GALNT14: variants seen among roughly 807,000 people sequenced by gnomAD.
GALNT14 encodes the protein polypeptide N-acetylgalactosaminyltransferase 14, also known as UDP-GalNAc:polypeptide N-acetylgalactosaminyltransferase 14.
Under a neutral mutation model 77.5 loss-of-function variants are expected in GALNT14, and 60 were observed. The observed-to-expected ratio is 0.77, with a 90% CI of 0.63 to 0.96. The LOEUF (loss-of-function observed/expected upper bound fraction) is 0.96. Among genes scored for constraint, GALNT14 ranks in the 40% least tolerant of loss-of-function variants. The pLI is 0.00. For missense variants in GALNT14, 710 were observed against 731.0 expected (o/e 0.97, Z 0.33); for synonymous variants, 280 against 281.7 (o/e 0.99, Z 0.06).
At position 31,066,419 on chromosome 2, in the gene GALNT14, C is replaced by T. The variant is rs1215754839; in HGVS notation, c.129+71539G>A. The stretch of plus-strand genomic sequence containing the variant: ...TGCGAAAGGGTGCGGGGGCGGGGGG[C>T]GGGGGGGTGGTGTCCAGCCATCTTT... On this transcript the variant is annotated intron_variant, in intron 1 of 14. Coordinates refer to ENST00000349752, the MANE Select transcript of GALNT14 (RefSeq NM_024572.4). Among the ~76,000 whole-genome samples the T allele has an allele frequency of 1.8e-4, 14 of 76,754 alleles. No individual in the cohort carries two copies. In the South Asian group the frequency reaches 2.3e-3, roughly 12 times the overall value. The allele number at this position is 76,754 out of a possible 152,430, so 50.4% of individuals were successfully genotyped here.
intron 1 of GALNT14, among the ~76,000 whole-genome samples, chr2:31,006,159 T>G (rs549034774): frequency 6.6e-6 from 1 of 152,270 alleles, no homozygotes; most frequent in African/African-American, 2.4e-5. Flanking sequence ...ACAGTCACAC[T>G]CACGAGGAAT....
chr2:30,897,749 C>A, the GALNT14 span, among the ~76,000 whole-genome samples: 2 of 152,318 alleles, frequency 1.3e-5, no homozygotes, highest in Admixed American at 1.3e-4. Flanking sequence ...GAACACAGAC[C>A]GCTGGGACTG....
At chr2:30,923,707 G>A (rs1007504867) in intron 13 of GALNT14, among the ~76,000 whole-genome samples, 9 of 152,124 alleles carry the variant, frequency 5.9e-5, no homozygotes, top group Middle Eastern at 3.2e-3. Context: ...CAGGCATTCC[G>A]TCCTGTCCCA....
chr2:31,067,200 G>T (rs113370778), intron 1 of GALNT14, among the ~76,000 whole-genome samples: 1 of 152,182 alleles, frequency 6.6e-6, no homozygotes, highest in East Asian at 1.9e-4. Flanking sequence ...AGGGCAGGGG[G>T]CCAAACAGGA....
chr2:31,013,832 T>G (rs1671184133), intron 1 of GALNT14, among the ~76,000 whole-genome samples: 1 of 152,188 alleles, frequency 6.6e-6, no homozygotes, highest in Non-Finnish European at 1.5e-5. Context: ...AGTAGAGCAC[T>G]GAATCTATGT....
Position 30,967,650 on chromosome 2 carries a change from T to C in GALNT14, c.300-1348A>G, listed in dbSNP as rs144681540. 6.4e-3 allele frequency among the ~76,000 whole-genome samples: 970 copies of C among 152,292 alleles called. 5 individuals are homozygous for C. The highest frequency in any genetic ancestry group is 9.7e-3 in the Non-Finnish European group (662 of 68,010). Reference sequence around the variant, plus strand: ...CACCATGTCCTTTTGCCCCACCTCCTGAATTCACCCCTCCTCTCATGCCCA... The same window carrying C: ...CACCATGTCCTTTTGCCCCACCTCCCGAATTCACCCCTCCTCTCATGCCCA... On this transcript the variant is annotated intron_variant, in intron 2 of 14. Coordinates refer to ENST00000349752, the MANE Select transcript of GALNT14 (RefSeq NM_024572.4).
intron 6 of GALNT14, among the ~76,000 whole-genome samples, chr2:30,952,719 C>T (rs1225740479): frequency 2.0e-5 from 3 of 150,692 alleles, no homozygotes; most frequent in Admixed American, 2.0e-4. Context: ...ATGTAACTAA[C>T]CTGCACATTG....
rs151202865 is a variant in GALNT14 at position 30,923,148 on chromosome 2, C to T, written c.1380+971G>A. Among the ~76,000 whole-genome samples the T allele has an allele frequency of 2.8e-4, 42 of 148,080 alleles. No individual in the cohort carries two copies. In the East Asian group the frequency reaches 3.2e-3, roughly 11 times the overall value. On this transcript the variant is annotated intron_variant, in intron 13 of 14. Transcript: ENST00000349752. ...TGTGATCTCGGCTCACTGCAACCTC[C>T]GCCTCCAGGGTTCAAGCGATTCTCC...
chr2:30,989,061 A>G (rs1204078498), intron 2 of GALNT14, among the ~76,000 whole-genome samples: 1 of 152,166 alleles, frequency 6.6e-6, no homozygotes, highest in Non-Finnish European at 1.5e-5. Context: ...TTGTTTGCCT[A>G]TTTAAGTTTA....
At chr2:31,027,427 C>CA (rs539336965) in intron 1 of GALNT14, among the ~76,000 whole-genome samples, 6,985 of 58,508 alleles carry the variant, frequency 0.12, 382 homozygotes, top group African/African-American at 0.21. Context: ...CAAAACAAAG[C>CA]AAAAAAAAAA....
rs111383542 is a variant in GALNT14, at chr2:30,970,647, A to G, written c.300-4345T>C. ...ACTGACACACCAGGTGTGTGTCAGTAATGGCTTACTGAGCCATTGTCCTCC... is the reference window on the plus strand; with the variant it reads ...ACTGACACACCAGGTGTGTGTCAGTGATGGCTTACTGAGCCATTGTCCTCC... On this transcript the variant is annotated intron_variant, in intron 2 of 14. Transcript: ENST00000349752. Among the ~76,000 whole-genome samples, 401 of 152,210 alleles carry G rather than the reference A, an allele frequency of 2.6e-3. 1 individual carries two copies. The highest frequency in any genetic ancestry group is 8.7e-3 in the African/African-American group (362 of 41,518).
the GALNT14 span, among the ~76,000 whole-genome samples, chr2:30,896,810 TCTC>T: frequency 1.3e-5 from 2 of 151,638 alleles, no homozygotes. Flanking sequence ...CCCTCCCTCT[TCTC>T]CTCTGTCTCC....
chr2:31,125,540 A>T lies in GALNT14; in HGVS notation c.129+12418T>A, dbSNP rs115303165. On this transcript the variant is annotated intron_variant, in intron 1 of 14. Coordinates refer to ENST00000349752, the MANE Select transcript of GALNT14 (RefSeq NM_024572.4). ...TGTGGCTCAATGTTTATTGACCCAC[A>T]AATATGCTCAGTATGACTGGGGAAA... Among the ~76,000 whole-genome samples the T allele has an allele frequency of 2.0e-3, 301 of 152,342 alleles. 2 individuals are homozygous for T. The highest frequency in any genetic ancestry group is 6.9e-3 in the African/African-American group (288 of 41,582).
chr2:30,921,052 A>G (rs1398220245), intron 13 of GALNT14, among the ~76,000 whole-genome samples: 1 of 152,128 alleles, frequency 6.6e-6, no homozygotes, highest in Admixed American at 6.5e-5. Flanking sequence ...TTGCCCCCAG[A>G]TGACTGCTGT....
intron 1 of GALNT14, among the ~76,000 whole-genome samples, chr2:31,124,107 C>T (rs917958457): frequency 1.3e-5 from 2 of 152,160 alleles, no homozygotes; most frequent in African/African-American, 4.8e-5. Flanking sequence ...GCCGGATGTT[C>T]GGACAAACTT....
In GALNT14 at chr2:30,981,130, G is replaced by A. The variant is rs142048024; in HGVS notation, c.299+11708C>T. Among the ~76,000 whole-genome samples, 17 of 152,314 alleles carry A rather than the reference G, an allele frequency of 1.1e-4. No individual in the cohort carries two copies. In the East Asian group the frequency reaches 3.3e-3, roughly 29 times the overall value. On this transcript the variant is annotated intron_variant, in intron 2 of 14. Coordinates refer to ENST00000349752, the MANE Select transcript of GALNT14 (RefSeq NM_024572.4). ...CTGTAGGAATTATCCCAGGACCTTC[G>A]TCCCAGCACAGAGCCTCCTTGAAAT...
chr2:30,946,204 G>T (rs78186974), intron 6 of GALNT14, among the ~76,000 whole-genome samples: 7,130 of 152,214 alleles, frequency 0.047, 572 homozygotes, highest in African/African-American at 0.16. Context: ...GCTCCAGAAG[G>T]CCTTCACCAC....
chr2:31,103,282 A>G (rs1467294457), intron 1 of GALNT14, among the ~76,000 whole-genome samples: 1 of 152,110 alleles, frequency 6.6e-6, no homozygotes, highest in Non-Finnish European at 1.5e-5. Flanking sequence ...TGATATAATA[A>G]TCTTAACCTA....
At chr2:31,043,660 T>C (rs1573228805) in intron 1 of GALNT14, among the ~76,000 whole-genome samples, 1 of 72,098 alleles carries the variant, frequency 1.4e-5, no homozygotes, top group Non-Finnish European at 3.3e-5. Context: ...GATCAGGTGA[T>C]TTTTTTTTTT....
Sources: allele counts gnomAD v4.1 joint callset (sites outside exome capture counted in the v4.1 genomes callset), GRCh38; gene constraint gnomAD v4.1.1; transcripts MANE v1.5; gene names NCBI Gene and HGNC (gene_info 2026-07-23, HGNC 2026-07-21).